Variants in HSD17B4 observed in about 807,000 individuals in gnomAD.
The protein encoded by HSD17B4 is peroxisomal multifunctional enzyme type 2.
Under a neutral mutation model 101.0 loss-of-function variants are expected in HSD17B4, and 70 were observed. The ratio of observed to expected loss-of-function variants is 0.69; its 90% CI spans 0.57 to 0.85. HSD17B4 has a LOEUF of 0.85. HSD17B4 is among the 40% of genes least tolerant of loss of function. The pLI, the probability that HSD17B4 is intolerant of heterozygous loss-of-function variation, is 0.00. For missense variants in HSD17B4, 984 were observed against 892.4 expected, an observed-to-expected ratio of 1.10 and a Z score of -1.31; for synonymous variants, 347 against 297.1, an observed-to-expected ratio of 1.17 and a Z score of -1.73.
intron 23 of HSD17B4, among the ~76,000 whole-genome samples, chr5:119,540,742 C>T (rs1450326038): frequency 2.6e-5 from 4 of 152,170 alleles, no homozygotes; most frequent in Non-Finnish European, 5.9e-5. Context: ...GGGTTTGCTT[C>T]TGAGACTAAG....
intron 16 of HSD17B4, among the ~76,000 whole-genome samples, chr5:119,510,894 C>G (rs942784189): frequency 6.6e-6 from 1 of 152,166 alleles, no homozygotes; most frequent in South Asian, 2.1e-4. Context: ...TGCAGATGCT[C>G]TATTCCAGGT....
chr5:119,501,333 A>C (rs1190267437), intron 13 of HSD17B4, among the ~76,000 whole-genome samples: 3 of 147,144 alleles, frequency 2.0e-5, no homozygotes, highest in Admixed American at 6.8e-5. Context: ...TTTTTTTAAA[A>C]TCCTTTTGGG....
intron 2 of HSD17B4, among the ~76,000 whole-genome samples, chr5:119,467,628 G>T (rs1214294925): frequency 6.6e-6 from 1 of 152,072 alleles, no homozygotes; most frequent in African/African-American, 2.4e-5. Context: ...AACAACATAG[G>T]TTTGAATTGT....
chr5:119,530,023 G>T, intron 21 of HSD17B4, 43 bp downstream of exon 21: 3 of 1,156,902 alleles, frequency 2.6e-6, no homozygotes, highest in Non-Finnish European at 3.9e-6. Flanking sequence ...CCTCATTTAG[G>T]AATTTCAGTT....
intron 2 of HSD17B4, among the ~76,000 whole-genome samples, chr5:119,467,614 CTT>C (rs1227381663): frequency 1.3e-5 from 2 of 152,124 alleles, no homozygotes; most frequent in Admixed American, 1.3e-4. Flanking sequence ...ATCGTTGACT[CTT>C]AAACAACATA....
chr5:119,528,811 T>G (rs1753818220), intron 20 of HSD17B4, among the ~76,000 whole-genome samples: 2 of 152,162 alleles, frequency 1.3e-5, no homozygotes, highest in Non-Finnish European at 2.9e-5. Context: ...CTGTCTTATC[T>G]TTTCAGCATA....
rs73246563 is a variant in HSD17B4 at position 119,479,132 on chromosome 5, A to G, written c.622+111A>G. 1,943 of 835,912 alleles carry G rather than the reference A, an allele frequency of 2.3e-3. 21 individuals carry two copies. The African/African-American group carries it at 0.026, about 11-fold the overall frequency. The allele number at this position is 835,912 out of a possible 1,614,324, so 51.8% of individuals were successfully genotyped here. A position where few individuals can be genotyped will look rare whatever the true frequency, so the allele number is the denominator to read the frequency against. On this transcript the variant is annotated intron_variant, in intron 8 of 23. Transcript: ENST00000510025. Reference sequence around the variant, plus strand: ...TACTTAAAAATTATTATTTTTTTCAATTTCGAAAGCATTATCTGTAAATTG... The same window carrying G: ...TACTTAAAAATTATTATTTTTTTCAGTTTCGAAAGCATTATCTGTAAATTG...
At chr5:119,454,606 A>T (rs1464230729) in intron 1 of HSD17B4, among the ~76,000 whole-genome samples, 1 of 151,604 alleles carries the variant, frequency 6.6e-6, no homozygotes, top group African/African-American at 2.4e-5. Context: ...AGTTTTGGAA[A>T]ACTGTATATT....
Position 119,475,607 on chromosome 5 carries a change from T to C in HSD17B4, c.281-99T>C. 8 of 927,072 alleles carry C rather than the reference T, an allele frequency of 8.6e-6. No individual in the cohort carries two copies. The South Asian group carries it at 1.1e-4, about 13-fold the overall frequency. 57.4% of individuals were successfully genotyped at this position (927,072 alleles called of 1,614,324 possible). A position where few individuals can be genotyped will look rare whatever the true frequency, so the allele number is the denominator to read the frequency against. On this transcript the variant is annotated intron_variant, in intron 4 of 23. Transcript: ENST00000510025. ...TTTACCTATTATATTTACTTTTTCA[T>C]GGTTAAAAAACGCCAGTTTTGAGAG... is the stretch of plus-strand genomic sequence containing the variant.
At chr5:119,454,343 G>A (rs1424357864) in intron 1 of HSD17B4, among the ~76,000 whole-genome samples, 3 of 147,996 alleles carry the variant, frequency 2.0e-5, no homozygotes, top group African/African-American at 5.0e-5. Context: ...GTTTTACTCT[G>A]TACCCAGGCT....
intron 2 of HSD17B4, among the ~76,000 whole-genome samples, chr5:119,464,184 T>C (rs1755574288): frequency 6.6e-6 from 1 of 152,196 alleles, no homozygotes; most frequent in African/African-American, 2.4e-5. Context: ...AGAAGCTTTT[T>C]AGTTTGATCT....
In HSD17B4 at chr5:119,480,962, A is replaced by G. The variant is rs533567156; in HGVS notation, c.622+1941A>G. ...TCACCAGCGGTCAGAGTTTAAGGTT[A>G]TCTCTCTTATTCCCCGAACAATTGC... is the stretch of plus-strand genomic sequence containing the variant. On this transcript the variant is annotated intron_variant, in intron 8 of 23. Coordinates refer to ENST00000510025, the MANE Select transcript of HSD17B4 (RefSeq NM_000414.4). Among the ~76,000 whole-genome samples the G allele has an allele frequency of 1.2e-4, 19 of 152,316 alleles. No individual in the cohort carries two copies. The East Asian group carries it at 1.7e-3, about 14-fold the overall frequency.
At chr5:119,499,958 G>C (rs1389618216) in intron 13 of HSD17B4, among the ~76,000 whole-genome samples, 2 of 152,152 alleles carry the variant, frequency 1.3e-5, no homozygotes, top group Non-Finnish European at 2.9e-5. Flanking sequence ...GCACATACTT[G>C]ACTTGTTTTT....
chr5:119,501,375 C>T (rs1404591686), intron 13 of HSD17B4, among the ~76,000 whole-genome samples: 4 of 150,880 alleles, frequency 2.7e-5, no homozygotes, highest in South Asian at 2.1e-4. Context: ...TGGCCCTCTG[C>T]AGTGAAAGTG....
intron 17 of HSD17B4, among the ~76,000 whole-genome samples, chr5:119,518,126 G>T (rs1261138551): frequency 2.0e-5 from 3 of 152,076 alleles, no homozygotes; most frequent in Admixed American, 6.5e-5. Flanking sequence ...CACTGTGGAA[G>T]CTTTGTTCTT....
chr5:119,470,005 A>G (rs1756197911), intron 2 of HSD17B4, among the ~76,000 whole-genome samples: 1 of 152,004 alleles, frequency 6.6e-6, no homozygotes, highest in African/African-American at 2.4e-5. Flanking sequence ...GGGAGGGGGA[A>G]GGGTTGCTGG....
chr5:119,531,382 C>A lies in HSD17B4; in HGVS notation c.1971C>A (p.Gly657=), dbSNP rs776519991. The A allele has an allele frequency of 6.2e-7, 1 of 1,613,176 alleles. No homozygotes were observed. Among genetic ancestry groups the A allele is most frequent in the African/African-American group, 1.3e-5 (1 of 74,816 alleles). The change falls in exon 22 of 24, where the codon GGC becomes GGA. Residue 657 remains glycine (G), a synonymous_variant. Transcript: ENST00000510025. The stretch of plus-strand genomic sequence containing the variant: ...TATTTGAGTGGCATATAACCAAAGG[C>A]GGAAATATTGGGGCTAAGTGGAGTA... ...NAVFEWHITK[G]GNIGAKWTID...
At chr5:119,491,347 G>A (rs1222950880) in intron 9 of HSD17B4, among the ~76,000 whole-genome samples, 5 of 152,024 alleles carry the variant, frequency 3.3e-5, no homozygotes, top group Non-Finnish European at 7.4e-5. Flanking sequence ...TAAGATGTCT[G>A]CTGATACATT....
rs761557167 is a variant in HSD17B4, at chr5:119,525,901, T to TAATAATC, written c.1574-16_1574-15insAATAATC. 2.8e-6 allele frequency: 4 copies of TAATAATC among 1,438,520 alleles called. No homozygotes were observed. The highest frequency in any genetic ancestry group is 3.9e-6 in the Non-Finnish European group (4 of 1,019,778). 89.1% of individuals were successfully genotyped at this position (1,438,520 alleles called of 1,614,324 possible). A position where few individuals can be genotyped will look rare whatever the true frequency, so the allele number is the denominator to read the frequency against. On this transcript the variant is annotated splice_polypyrimidine_tract_variant and intron_variant, in intron 18 of 23. Coordinates refer to ENST00000510025, the MANE Select transcript of HSD17B4 (RefSeq NM_000414.4). ...AAAGGTACCTGTATCTAACTCAGTG[T>TAATAATC]TCTCTCTTTTCCTAGGTTTTGACAA...
Sources: gnomAD v4.1 joint callset for allele counts (sites outside exome capture counted in the v4.1 genomes callset) on GRCh38, gnomAD v4.1.1 for gene constraint, MANE v1.5 for transcripts, NCBI Gene and HGNC (gene_info 2026-07-23, HGNC 2026-07-21) for gene names.